PDE3B: variants seen among roughly 807,000 people sequenced by gnomAD.
PDE3B encodes phosphodiesterase 3B, also known as cGMP-inhibited 3',5'-cyclic phosphodiesterase 3B.
Under a neutral mutation model 116.8 loss-of-function variants are expected in PDE3B, and 66 were observed. The ratio of observed to expected loss-of-function variants is 0.56; its 90% CI spans 0.46 to 0.69. PDE3B has a LOEUF of 0.69. Among genes scored for constraint, PDE3B ranks in the 30% least tolerant of loss-of-function variants. PDE3B has a pLI of 0.00. For missense variants in PDE3B, 1,384 were observed against 1,368.1 expected (o/e 1.01, Z -0.18); for synonymous variants, 595 against 533.6 (o/e 1.12, Z -1.59).
intron 1 of PDE3B, among the ~76,000 whole-genome samples, chr11:14,721,201 A>G (rs573165708): frequency 6.6e-6 from 1 of 152,310 alleles, no homozygotes; most frequent in South Asian, 2.1e-4. Flanking sequence ...CCATCAGAGA[A>G]ATGCAAATCA....
intron 1 of PDE3B, among the ~76,000 whole-genome samples, chr11:14,657,976 A>C (rs1373723788): frequency 1.3e-5 from 2 of 152,164 alleles, no homozygotes; most frequent in African/African-American, 4.8e-5. Context: ...CAAACCCCAG[A>C]GTTAAACAGA....
At chr11:14,731,075 C>T (rs1856442570) in intron 1 of PDE3B, among the ~76,000 whole-genome samples, 1 of 152,058 alleles carries the variant, frequency 6.6e-6, no homozygotes, top group Non-Finnish European at 1.5e-5. Context: ...ATTCCAATTA[C>T]AGATGTCTAA....
chr11:14,845,311 A>T (rs1180370929), intron 12 of PDE3B, among the ~76,000 whole-genome samples: 1 of 152,006 alleles, frequency 6.6e-6, no homozygotes, highest in Non-Finnish European at 1.5e-5. Context: ...ACAAACAGAA[A>T]GGACATCCAC....
At chr11:14,819,245 G>A (rs1303049763) in intron 7 of PDE3B, 36 bp downstream of exon 7, 2 of 1,280,252 alleles carry the variant, frequency 1.6e-6, no homozygotes, top group Non-Finnish European at 2.2e-6. Context: ...TTGAGTTTAA[G>A]AGAAATTTCT....
rs1848124801 is a variant in PDE3B, at chr11:14,870,465, C to T, written c.*805C>T. ...GTCAAAATTGTTGTTTTTACTCTAG[C>T]TCAGGATTCGTATTTTTAAAGATTT... On this transcript the variant is annotated 3_prime_UTR_variant, in exon 16 of 16. Coordinates refer to ENST00000282096, the MANE Select transcript of PDE3B (RefSeq NM_000922.4). This position sits in a 1 kb window ranked among gnomAD's most constrained non-coding sequence, Gnocchi z 4.1. 6.6e-6 allele frequency: 1 copy of T among 152,462 alleles called. No homozygotes were observed. The highest frequency in any genetic ancestry group is 1.5e-5 in the Non-Finnish European group (1 of 68,022). 9.4% of individuals were successfully genotyped at this position (152,462 alleles called of 1,614,324 possible).
chr11:14,881,240 A>G, the PDE3B span, among the ~76,000 whole-genome samples: 2 of 152,136 alleles, frequency 1.3e-5, no homozygotes, highest in East Asian at 3.9e-4. Flanking sequence ...GGGATATGGT[A>G]GACAATCAAG....
the PDE3B span, among the ~76,000 whole-genome samples, chr11:14,893,967 G>A: frequency 6.6e-6 from 1 of 152,148 alleles, no homozygotes; most frequent in African/African-American, 2.4e-5. Context: ...AAGGGCAAAG[G>A]CTTCATATAC....
chr11:14,768,139 C>T (rs1384887379), intron 1 of PDE3B, among the ~76,000 whole-genome samples: 1 of 151,368 alleles, frequency 6.6e-6, no homozygotes, highest in East Asian at 1.9e-4. Flanking sequence ...CTTTACAGCA[C>T]AGTTTTTCAA....
chr11:14,734,162 C>G (rs2133857164), intron 1 of PDE3B, among the ~76,000 whole-genome samples: 1 of 152,304 alleles, frequency 6.6e-6, no homozygotes, highest in African/African-American at 2.4e-5. Flanking sequence ...GCTTTGGCCT[C>G]CCAGGCTCAA....
chr11:14,878,352 T>C, the PDE3B span: 1 of 1,525,638 alleles, frequency 6.6e-7, no homozygotes, highest in Non-Finnish European at 9.1e-7. Context: ...TTTACCAAAA[T>C]TAATGTCTAA....
At chr11:14,879,429 C>T in the PDE3B span, 2 of 1,601,790 alleles carry the variant, frequency 1.2e-6, no homozygotes, top group Admixed American at 1.7e-5. Flanking sequence ...AAATCAATCT[C>T]TTTCTGAACT....
At chr11:14,811,680 AGTCATTG>A (rs1859136611) in intron 5 of PDE3B, among the ~76,000 whole-genome samples, 1 of 151,984 alleles carries the variant, frequency 6.6e-6, no homozygotes, top group South Asian at 2.1e-4. Flanking sequence ...CTGTGAAGAA[AGTCATTG>A]GTAGCTTGAT....
chr11:14,735,864 A>G (rs1012495754), intron 1 of PDE3B, among the ~76,000 whole-genome samples: 1 of 152,136 alleles, frequency 6.6e-6, no homozygotes, highest in Non-Finnish European at 1.5e-5. Context: ...TTTAGTCTGG[A>G]TGAATCACAT....
At chr11:14,862,373 G>C (rs1332866816) in intron 14 of PDE3B, among the ~76,000 whole-genome samples, 1 of 152,124 alleles carries the variant, frequency 6.6e-6, no homozygotes, top group Non-Finnish European at 1.5e-5. Context: ...TTTATTTCCA[G>C]ATGAAGTGGT....
intron 11 of PDE3B, 85 bp downstream of exon 11, chr11:14,835,180 G>C: frequency 1.2e-6 from 1 of 840,438 alleles, no homozygotes; most frequent in Non-Finnish European, 1.9e-6. Context: ...GTTCTTTTAA[G>C]TTTTTCATTA....
rs373671551 is a variant in PDE3B, at chr11:14,644,296, C to A, written c.221C>A (p.Pro74His). 23 of 1,564,806 alleles carry A rather than the reference C, an allele frequency of 1.5e-5. No individual in the cohort carries two copies. The highest frequency in any genetic ancestry group is 2.3e-5 in the South Asian group (2 of 86,724). The change falls in exon 1 of 16, where the codon CCC becomes CAC. Residue 74 changes from proline (P) to histidine (H), a missense_variant. Physicochemically the swap from Pro to His is moderately conservative, Grantham distance 77. Transcript: ENST00000282096. ...CCCCAGCAGCCGCGGCGCTGCTCCC[C>A]CTTCTGCCGGGCGCGCCTCTCGCTG... ...ASPQQPRRCS[P>H]FCRARLSLGA... is the part of the protein sequence containing the mutation.
At chr11:14,699,642 C>T (rs1855307099) in intron 1 of PDE3B, among the ~76,000 whole-genome samples, 1 of 151,584 alleles carries the variant, frequency 6.6e-6, no homozygotes, top group African/African-American at 2.4e-5. Flanking sequence ...GTTTTGATGT[C>T]GTTTAATCAC....
At chr11:14,780,836 A>G (rs1053613850) in intron 2 of PDE3B, among the ~76,000 whole-genome samples, 2 of 152,240 alleles carry the variant, frequency 1.3e-5, no homozygotes, top group African/African-American at 4.8e-5. Flanking sequence ...TGAAGGAGAT[A>G]GAGACACAAA....
intron 5 of PDE3B, among the ~76,000 whole-genome samples, chr11:14,810,616 C>T (rs918914452): frequency 6.0e-5 from 9 of 150,444 alleles, no homozygotes; most frequent in African/African-American, 1.2e-4. Flanking sequence ...TGAATAATGC[C>T]GCAATAAACA....
Sources: allele counts gnomAD v4.1 joint callset (sites outside exome capture counted in the v4.1 genomes callset), GRCh38; gene constraint gnomAD v4.1.1; non-coding constraint Gnocchi (gnomAD v3.1); transcripts MANE v1.5; gene names NCBI Gene and HGNC (gene_info 2026-07-23, HGNC 2026-07-21).